Variants in SRSF4 observed in about 807,000 individuals in gnomAD.
SRSF4 encodes serine and arginine rich splicing factor 4.
SRSF4 carries 12 observed loss-of-function variants against 48.8 expected under a neutral mutation model. The observed-to-expected ratio is 0.25, with a 90% CI of 0.16 to 0.40. The LOEUF (loss-of-function observed/expected upper bound fraction) is 0.40, where lower values mean the gene tolerates loss of function less well. Ranked by LOEUF, SRSF4 falls within the 10% of genes least tolerant of loss-of-function variation. The probability of loss-of-function intolerance (pLI) is 1.00; values close to 1 mark genes in which losing one functional copy is unlikely to be tolerated. For synonymous variants in SRSF4, 248 were observed against 232.5 expected, an observed-to-expected ratio of 1.07 and a Z score of -0.61; for missense variants, 466 against 667.1, an observed-to-expected ratio of 0.70 and a Z score of 3.32.
intron 4 of SRSF4, 26 bp downstream of exon 4, chr1:29,154,670 C>T (rs754590787): frequency 1.6e-5 from 26 of 1,608,216 alleles, no homozygotes; most frequent in Non-Finnish European, 2.0e-5. Context: ...TGATGAGCTC[C>T]AACACACAAA....
At chr1:29,180,393 C>CT (rs749635448) in intron 1 of SRSF4, among the ~76,000 whole-genome samples, 9 of 152,192 alleles carry the variant, frequency 5.9e-5, no homozygotes, top group Non-Finnish European at 1.3e-4. Flanking sequence ...GAAATCAGTA[C>CT]TTTACTAAAG....
At chr1:29,156,706 T>C (rs1265280911) in intron 3 of SRSF4, among the ~76,000 whole-genome samples, 2 of 152,134 alleles carry the variant, frequency 1.3e-5, no homozygotes, top group Admixed American at 6.5e-5. Context: ...GGTACAGACA[T>C]GTAGAACCAA....
intron 3 of SRSF4, among the ~76,000 whole-genome samples, chr1:29,155,786 C>T (rs994845754): frequency 6.6e-6 from 1 of 152,186 alleles, no homozygotes; most frequent in Non-Finnish European, 1.5e-5. Flanking sequence ...GGTCACTGTG[C>T]CCAGCCCATT....
Position 29,148,473 on chromosome 1 carries a change from A to C in SRSF4, c.1422T>G (p.Ser474=). ...SASKTRSRSK[S]RSRSASRSPS... ...GCGATCTGGAAGCAGACCTGGATCT[A>C]GACTTGGACCGAGATCGGGTTTTTG... The change falls in exon 6 of 6, where the codon TCT becomes TCG. Residue 474 remains serine, a synonymous_variant. Coordinates refer to ENST00000373795, the MANE Select transcript of SRSF4 (RefSeq NM_005626.5). 6.2e-7 allele frequency: 1 copy of C among 1,613,802 alleles called. No homozygotes were observed. Among genetic ancestry groups the C allele is most frequent in the African/African-American group, 1.3e-5 (1 of 75,042 alleles).
chr1:29,154,073 G>A (rs1194720631), intron 4 of SRSF4, among the ~76,000 whole-genome samples: 2 of 150,714 alleles, frequency 1.3e-5, no homozygotes, highest in East Asian at 2.0e-4. Context: ...TTTTTTTTGA[G>A]ATGGAGTTTC....
At chr1:29,171,196 C>T (rs905210975) in intron 1 of SRSF4, 1 of 151,980 alleles carries the variant, frequency 6.6e-6, no homozygotes, top group Non-Finnish European at 1.5e-5. Context: ...AGGAGAATCA[C>T]TAGCAGTCTC....
At chr1:29,161,442 C>T (rs113218800) in intron 1 of SRSF4, among the ~76,000 whole-genome samples, 2 of 152,122 alleles carry the variant, frequency 1.3e-5, no homozygotes, top group East Asian at 3.8e-4. Context: ...AGGAAAGTTA[C>T]AAGCAATTTC....
intron 1 of SRSF4, among the ~76,000 whole-genome samples, chr1:29,180,882 C>A (rs1406449940): frequency 6.6e-6 from 1 of 152,198 alleles, no homozygotes; most frequent in Admixed American, 6.5e-5. Context: ...TCTCCGTCTG[C>A]GTTAACCAGA....
Position 29,148,927 on chromosome 1 carries a change from T to C in SRSF4, c.968A>G (p.Gln323Arg), listed in dbSNP as rs1280299809. The C allele has an allele frequency of 1.2e-6, 2 of 1,612,890 alleles. No individual in the cohort carries two copies. Among genetic ancestry groups the C allele is most frequent in the Non-Finnish European group, 1.7e-6 (2 of 1,179,618 alleles). Residue 323 changes from glutamine to arginine, a missense_variant, in exon 6 of 6, where the codon CAG (glutamine) becomes CGG (arginine). Gln to Arg is a conservative substitution (Grantham distance 43). This residue lies in a region of SRSF4 where 402 missense variants were observed against 437.0 expected (regional missense o/e 0.92). Transcript: ENST00000373795. ...KRGSVSRGRS[Q>R]EKSLRQSRSR... ...CCGACTCTGGCGGAGGCTCTTCTCC[T>C]GGCTCCTGCCCCTGCTCACACTCCC...
chr1:29,176,007 C>A (rs1299327775), intron 1 of SRSF4, among the ~76,000 whole-genome samples: 1 of 152,034 alleles, frequency 6.6e-6, no homozygotes, highest in Non-Finnish European at 1.5e-5. Flanking sequence ...AATCCCAGCA[C>A]TTTGGGAGGC....
At chr1:29,155,209 T>C (rs535104797) in intron 3 of SRSF4, among the ~76,000 whole-genome samples, 3 of 152,208 alleles carry the variant, frequency 2.0e-5, no homozygotes, top group South Asian at 2.1e-4. Context: ...GGCGGGAGGA[T>C]TGCTTGATCC....
rs373870546 is a variant in SRSF4 at position 29,148,327 on chromosome 1, T to C, written c.*83A>G. The C allele has an allele frequency of 1.3e-6, 2 of 1,504,176 alleles. No homozygotes were observed. Among genetic ancestry groups the C allele is most frequent in the South Asian group, 1.3e-5 (1 of 78,588 alleles). 93.2% of individuals were successfully genotyped at this position (1,504,176 alleles called of 1,614,324 possible). On this transcript the variant is annotated 3_prime_UTR_variant, in exon 6 of 6. Transcript: ENST00000373795. The stretch of plus-strand genomic sequence containing the variant: ...GAGTTAAAAATGTACAGCAGTGACA[T>C]GTTCTACTCCAATCACTTGTGCTAC...
intron 4 of SRSF4, among the ~76,000 whole-genome samples, chr1:29,153,232 G>A (rs1012548452): frequency 6.6e-6 from 1 of 151,842 alleles, no homozygotes; most frequent in African/African-American, 2.4e-5. Context: ...CCTGGGTTCC[G>A]GTTTAAGCGA....
intron 5 of SRSF4, among the ~76,000 whole-genome samples, 175 bp from the exon 6 acceptor site, chr1:29,149,401 C>G (rs998086715): frequency 2.6e-5 from 4 of 152,132 alleles, no homozygotes; most frequent in Non-Finnish European, 5.9e-5. Flanking sequence ...GAAAAACTGG[C>G]CAGGTGCGGC....
intron 4 of SRSF4, among the ~76,000 whole-genome samples, chr1:29,154,187 C>T (rs1214674177): frequency 6.6e-6 from 1 of 152,238 alleles, no homozygotes; most frequent in Non-Finnish European, 1.5e-5. Flanking sequence ...CTGCCTCCGC[C>T]TCCCGAGTCA....
At chr1:29,159,594 T>G in intron 2 of SRSF4, 108 bp from the exon 3 acceptor site, 1 of 594,398 alleles carries the variant, frequency 1.7e-6, no homozygotes, top group Non-Finnish European at 2.8e-6. Flanking sequence ...CCCCAAACAA[T>G]AGCACGTTTT....
At chr1:29,179,937 T>C (rs1672929084) in intron 1 of SRSF4, among the ~76,000 whole-genome samples, 1 of 152,226 alleles carries the variant, frequency 6.6e-6, no homozygotes, top group Non-Finnish European at 1.5e-5. Context: ...AGTCTTGTCA[T>C]TTCCTGCACA....
chr1:29,175,695 A>C (rs891881198), intron 1 of SRSF4, among the ~76,000 whole-genome samples: 3 of 26,302 alleles, frequency 1.1e-4, no homozygotes, highest in East Asian at 1.1e-3. Flanking sequence ...ACGCTGTCTC[A>C]AAAAAAAAAA....
At chr1:29,159,820 AT>A (rs1224414081) in intron 2 of SRSF4, 1 of 166,618 alleles carries the variant, frequency 6.0e-6, no homozygotes, top group Non-Finnish European at 1.2e-5. Context: ...GTGATTAAAC[AT>A]TTTGTGAATA....
Sources: gnomAD v4.1 joint callset for allele counts (sites outside exome capture counted in the v4.1 genomes callset) on GRCh38, gnomAD v4.1.1 for gene constraint, gnomAD v4.1.1 regional missense constraint, MANE v1.5 for transcripts, NCBI Gene and HGNC (gene_info 2026-07-23, HGNC 2026-07-21) for gene names.